The following CNIH3 variants were observed in gnomAD, a reference collection of about 807,000 sequenced individuals.
The protein encoded by CNIH3 is cornichon family AMPA receptor auxiliary protein 3.
Under a neutral mutation model 24.1 loss-of-function variants are expected in CNIH3, and 14 were observed. The ratio of observed to expected loss-of-function variants is 0.58; its 90% confidence interval spans 0.38 to 0.91. The LOEUF is 0.91. Among genes scored for constraint, CNIH3 ranks in the 40% least tolerant of loss-of-function variants. The probability of loss-of-function intolerance (pLI) is 0.00; values close to 1 mark genes in which losing one functional copy is unlikely to be tolerated. For missense variants in CNIH3, 178 were observed against 196.8 expected (o/e 0.90, Z 0.57); for synonymous variants, 68 against 73.8 (o/e 0.92, Z 0.40).
At chr1:224,695,945 C>T (rs1479116795) in intron 3 of CNIH3, among the ~76,000 whole-genome samples, 2 of 152,180 alleles carry the variant, frequency 1.3e-5, no homozygotes, top group Non-Finnish European at 2.9e-5. Flanking sequence ...TATCCTTCTC[C>T]TCTCATTAAT....
chr1:224,460,724 G>A (rs185520078), intron 1 of CNIH3, among the ~76,000 whole-genome samples: 13 of 151,524 alleles, frequency 8.6e-5, no homozygotes, highest in African/African-American at 2.9e-4. Context: ...TGTTATTCTT[G>A]GGTATATATC....
At chr1:224,526,668 G>A (rs546931351) in intron 2 of CNIH3, among the ~76,000 whole-genome samples, 3 of 152,238 alleles carry the variant, frequency 2.0e-5, no homozygotes, top group African/African-American at 4.8e-5. Flanking sequence ...CCTAGTCTAA[G>A]GCATTTTGTT....
At chr1:224,557,103 G>A (rs933619448) in intron 3 of CNIH3, among the ~76,000 whole-genome samples, 1 of 152,118 alleles carries the variant, frequency 6.6e-6, no homozygotes, top group Non-Finnish European at 1.5e-5. Flanking sequence ...ATGTACTGGT[G>A]CGATCACAGC....
intron 3 of CNIH3, among the ~76,000 whole-genome samples, chr1:224,601,635 A>T (rs778993627): frequency 6.6e-6 from 1 of 152,156 alleles, no homozygotes; most frequent in African/African-American, 2.4e-5. Context: ...CTACTGTAAC[A>T]CTAGGATGAG....
chr1:224,684,652 G>C lies in CNIH3; in HGVS notation c.151-144G>C. On this transcript the variant is annotated intron_variant, in intron 2 of 5. Transcript: ENST00000272133. This position sits in a 1 kb window ranked among gnomAD's most constrained non-coding sequence, Gnocchi z 4.2. ...GAAACTCTGTTAGAAAAAGCCACTG[G>C]GTGGGAGCATGCTGGCCATGTGCCC... 2 of 715,840 alleles carry C rather than the reference G, an allele frequency of 2.8e-6. No individual in the cohort carries two copies. Among genetic ancestry groups the C allele is most frequent in the Non-Finnish European group, 5.1e-6 (2 of 391,822 alleles). 44.3% of individuals were successfully genotyped at this position (715,840 alleles called of 1,614,324 possible). A position where few individuals can be genotyped will look rare whatever the true frequency, so the allele number is the denominator to read the frequency against.
At chr1:224,669,504 G>T (rs1685758195) in intron 1 of CNIH3, among the ~76,000 whole-genome samples, 1 of 152,128 alleles carries the variant, frequency 6.6e-6, no homozygotes, top group Non-Finnish European at 1.5e-5. Context: ...AGTCCTCAGA[G>T]GGGCTCTGCC....
chr1:224,591,410 T>C (rs1681748508), downstream of CNIH3, among the ~76,000 whole-genome samples: 1 of 152,212 alleles, frequency 6.6e-6, no homozygotes, highest in East Asian at 1.9e-4. Flanking sequence ...GTTACTCAAC[T>C]TCTCTATGTA....
At chr1:224,469,317 A>G (rs1676275825) in intron 1 of CNIH3, among the ~76,000 whole-genome samples, 1 of 151,898 alleles carries the variant, frequency 6.6e-6, no homozygotes, top group African/African-American at 2.4e-5. Context: ...CCTGGACTCA[A>G]ATGATCCTTC....
chr1:224,503,959 G>A (rs1390874449), intron 1 of CNIH3, among the ~76,000 whole-genome samples: 2 of 152,268 alleles, frequency 1.3e-5, no homozygotes, highest in African/African-American at 4.8e-5. Context: ...TGGAGGTGGG[G>A]TGGAGGGGAC....
At position 224,519,705 on chromosome 1, in the gene CNIH3, C is replaced by T. The variant is rs915784010; in HGVS notation, n.16-1295C>T. Among the ~76,000 whole-genome samples, 4 of 149,986 alleles carry T rather than the reference C, an allele frequency of 2.7e-5. No individual in the cohort carries two copies. In the East Asian group the frequency reaches 7.7e-4, roughly 29 times the overall value. On this transcript the variant is annotated intron_variant and non_coding_transcript_variant, in intron 1 of 2. Transcript: ENST00000470602. ...TGTATATGTATACTATATATGTACACACATAAAAATATATAATATGTGACA... is the reference window on the plus strand; with the variant it reads ...TGTATATGTATACTATATATGTACATACATAAAAATATATAATATGTGACA...
intron 1 of CNIH3, among the ~76,000 whole-genome samples, chr1:224,507,879 C>A (rs1431897686): frequency 6.6e-6 from 1 of 152,230 alleles, no homozygotes; most frequent in East Asian, 1.9e-4. Context: ...AGTCCCTGCT[C>A]AGGAATGGTG....
chr1:224,711,167 T>G (rs1688122140), intron 3 of CNIH3, among the ~76,000 whole-genome samples: 1 of 152,238 alleles, frequency 6.6e-6, no homozygotes, highest in Non-Finnish European at 1.5e-5. Context: ...TGTATGGAGA[T>G]GAATATGTCA....
chr1:224,458,554 T>C lies in CNIH3; in HGVS notation n.203+23692T>C, dbSNP rs1675774630. ...CAGCAACCACCCTTTGACTACCTTCTCTGTGGCTGTTACTGTCTGATTCCA... is the reference window on the plus strand; with the variant it reads ...CAGCAACCACCCTTTGACTACCTTCCCTGTGGCTGTTACTGTCTGATTCCA... On this transcript the variant is annotated intron_variant and non_coding_transcript_variant, in intron 1 of 5. Transcript: ENST00000471578. The surrounding 1 kb of genome is among the most constrained non-coding windows in gnomAD (Gnocchi z 4.3). Among the ~76,000 whole-genome samples the C allele has an allele frequency of 6.6e-6, 1 of 152,212 alleles. No individual in the cohort carries two copies. The highest frequency in any genetic ancestry group is 1.5e-5 in the Non-Finnish European group (1 of 68,034).
chr1:224,711,233 G>A (rs906705359), intron 3 of CNIH3, among the ~76,000 whole-genome samples: 1 of 152,028 alleles, frequency 6.6e-6, no homozygotes, highest in South Asian at 2.1e-4. Context: ...AAACAAAATG[G>A]TATTTAACAT....
chr1:224,636,604 A>G (rs550986248), intron 1 of CNIH3, among the ~76,000 whole-genome samples: 2 of 152,340 alleles, frequency 1.3e-5, no homozygotes, highest in South Asian at 2.1e-4. Context: ...GGAGCCAAAT[A>G]AAGTTTGATG....
chr1:224,649,030 C>T (rs913602643), intron 1 of CNIH3, among the ~76,000 whole-genome samples: 1 of 152,182 alleles, frequency 6.6e-6, no homozygotes, highest in Non-Finnish European at 1.5e-5. Context: ...GTGGCTCCTT[C>T]CTTATTTATG....
At chr1:224,454,585 C>T (rs1675568720) in intron 1 of CNIH3, among the ~76,000 whole-genome samples, 1 of 152,086 alleles carries the variant, frequency 6.6e-6, no homozygotes, top group African/African-American at 2.4e-5. Flanking sequence ...GGAAGGCTGC[C>T]CTTATGGGAG....
At chr1:224,630,918 C>T (rs1293714459) in intron 1 of CNIH3, among the ~76,000 whole-genome samples, 4 of 152,022 alleles carry the variant, frequency 2.6e-5, no homozygotes, top group East Asian at 1.9e-4. Context: ...CCCAGCGCTT[C>T]GGGAGGCTGG....
rs538353993 is a variant in CNIH3 at position 224,724,439 on chromosome 1, T to C, written c.199-6023T>C. Among the ~76,000 whole-genome samples the C allele has an allele frequency of 2.6e-5, 4 of 152,328 alleles. No homozygotes were observed. The South Asian group carries it at 8.3e-4, about 32-fold the overall frequency. On this transcript the variant is annotated intron_variant, in intron 3 of 5. Coordinates refer to ENST00000272133, the MANE Select transcript of CNIH3 (RefSeq NM_152495.2). The stretch of plus-strand genomic sequence containing the variant: ...GAGCAAAGGGGCCCAGAATGTAGTT[T>C]CCTGACATTGCTTGGAGATGCTCAC...
Sources: gnomAD v4.1 joint callset for allele counts (sites outside exome capture counted in the v4.1 genomes callset) on GRCh38, gnomAD v4.1.1 for gene constraint, Gnocchi (gnomAD v3.1) non-coding constraint, MANE v1.5 for transcripts, NCBI Gene and HGNC (gene_info 2026-07-23, HGNC 2026-07-21) for gene names.